KLHL4: variants seen among roughly 807,000 people sequenced by gnomAD.
KLHL4 encodes the protein kelch like family member 4, also known as kelch-like protein 4.
A neutral mutation model predicts 45.8 loss-of-function variants in KLHL4; 17 were observed. The observed-to-expected ratio is 0.37, with a 90% confidence interval of 0.25 to 0.56. The LOEUF is 0.56. Among genes scored for constraint, KLHL4 ranks in the 20% least tolerant of loss-of-function variants. KLHL4 has a pLI of 0.79. For synonymous variants in KLHL4, 224 were observed against 189.9 expected (o/e 1.18, Z -1.47); for missense variants, 544 against 544.9 (o/e 1.00, Z 0.02).
In KLHL4 at chrX:87,632,298, C is replaced by G; in HGVS notation, c.1413C>G (p.Val471=). 1 of 1,207,624 alleles carries G rather than the reference C, an allele frequency of 8.3e-7. No individual in the cohort carries two copies. The highest frequency in any genetic ancestry group is 1.1e-6 in the Non-Finnish European group (1 of 892,219). ...ATGGCCGTAGGCTTCAATTTGGAGTCGCAGTTATTGATAATAAGCTCTATG... is the reference window on the plus strand; with the variant it reads ...ATGGCCGTAGGCTTCAATTTGGAGTGGCAGTTATTGATAATAAGCTCTATG... ...TMNGRRLQFG[V]AVIDNKLYVV... Residue 471 remains valine, a synonymous_variant, in exon 7 of 11, where the codon GTC becomes GTG. Transcript: ENST00000373119.
At chrX:87,635,863 A>G in intron 9 of KLHL4, 88 bp downstream of exon 9, 1 of 684,541 alleles carries the variant, frequency 1.5e-6, no homozygotes, top group Non-Finnish European at 2.1e-6. Flanking sequence ...TTAAATGGAA[A>G]TCAGTTTAGT....
intron 1 of KLHL4, among the ~76,000 whole-genome samples, chrX:87,530,427 C>A (rs1252507649): frequency 5.6e-5 from 4 of 70,936 alleles, no homozygotes; most frequent in African/African-American, 2.2e-4. Flanking sequence ...CCCCTCCCCC[C>A]ACCCCACAAC....
intron 6 of KLHL4, among the ~76,000 whole-genome samples, chrX:87,628,503 A>G (rs1923007172): frequency 8.9e-6 from 1 of 112,228 alleles, no homozygotes; most frequent in South Asian, 3.6e-4. Flanking sequence ...ACTACTTTAC[A>G]TATTTTCACA....
intron 9 of KLHL4, among the ~76,000 whole-genome samples, chrX:87,640,979 G>T (rs996810310): frequency 8.9e-6 from 1 of 112,117 alleles, no homozygotes; most frequent in Non-Finnish European, 1.9e-5. Context: ...ACTGGTAAAT[G>T]AATTCAGCAA....
At position 87,568,738 on chromosome X, in the gene KLHL4, A is replaced by G. The variant is rs183892283; in HGVS notation, c.423-45139A>G. On this transcript the variant is annotated intron_variant, in intron 1 of 10. Transcript: ENST00000373119. ...TTTTTGACAAGTGTGCTAAGACTAT[A>G]CAATGGGGTAAGAATAGTCTCTTCA... Among the ~76,000 whole-genome samples the G allele has an allele frequency of 2.9e-3, 326 of 111,534 alleles. 1 individual carries two copies. Among genetic ancestry groups the G allele is most frequent in the Non-Finnish European group, 5.2e-3 (276 of 52,943 alleles).
At chrX:87,589,849 G>A (rs1295589013) in intron 1 of KLHL4, among the ~76,000 whole-genome samples, 1 of 100,669 alleles carries the variant, frequency 9.9e-6, no homozygotes, top group Non-Finnish European at 2.0e-5. Flanking sequence ...GATGAACATG[G>A]AGAAACCCCG....
rs1931382722 is a variant in KLHL4 at position 87,534,281 on chromosome X, C to A, written c.422+15966C>A. The stretch of plus-strand genomic sequence containing the variant: ...CATTAAAAATGTAGTTATTCAGTAT[C>A]CAGTATCACAGAATTTGACTTATTG... On this transcript the variant is annotated intron_variant, in intron 1 of 10. Coordinates refer to ENST00000373119, the MANE Select transcript of KLHL4 (RefSeq NM_019117.5). Among the ~76,000 whole-genome samples, 3 of 110,534 alleles carry A rather than the reference C, an allele frequency of 2.7e-5. No homozygotes were observed. In the South Asian group the frequency reaches 1.1e-3, roughly 42 times the overall value.
At chrX:87,549,718 C>CA (rs908606518) in intron 1 of KLHL4, among the ~76,000 whole-genome samples, 21 of 110,507 alleles carry the variant, frequency 1.9e-4, no homozygotes, top group Non-Finnish European at 1.7e-4. Flanking sequence ...AAGAAATTGA[C>CA]AAAAACAATA....
At chrX:87,533,757 A>G (rs919535714) in intron 1 of KLHL4, among the ~76,000 whole-genome samples, 16 of 111,311 alleles carry the variant, frequency 1.4e-4, no homozygotes, top group African/African-American at 4.9e-4. Context: ...CATAGCTTAG[A>G]TCTTAAAACC....
At chrX:87,555,821 T>C (rs1286607763) in intron 1 of KLHL4, among the ~76,000 whole-genome samples, 2 of 110,490 alleles carry the variant, frequency 1.8e-5, no homozygotes. Context: ...AGTGTGTCAA[T>C]TTTGGATCTT....
In KLHL4 at chrX:87,586,361, G is replaced by A. The variant is rs763463495; in HGVS notation, c.423-27516G>A. On this transcript the variant is annotated intron_variant, in intron 1 of 10. Transcript: ENST00000373119. ...AGCACATGGATAATTCCCAAAGATA[G>A]TCATATGTTAGGTCACAAAACAAGT... Among the ~76,000 whole-genome samples, 3 of 111,172 alleles carry A rather than the reference G, an allele frequency of 2.7e-5. No individual in the cohort carries two copies. In the East Asian group the frequency reaches 8.4e-4, roughly 31 times the overall value.
chrX:87,669,315 C>A lies in KLHL4; in HGVS notation c.*2781C>A. The A allele has an allele frequency of 8.3e-7, 1 of 1,208,770 alleles. No individual in the cohort carries two copies. Among genetic ancestry groups the A allele is most frequent in the African/African-American group, 1.7e-5 (1 of 57,621 alleles). ...TTCTCTAACACTGTCTGTCACCTTCCTGTATTTCCACAGAGCATGCAAGAA... is the reference window on the plus strand; with the variant it reads ...TTCTCTAACACTGTCTGTCACCTTCATGTATTTCCACAGAGCATGCAAGAA... On this transcript the variant is annotated 3_prime_UTR_variant, in exon 11 of 11. Coordinates refer to ENST00000373119, the MANE Select transcript of KLHL4 (RefSeq NM_019117.5).
At chrX:87,522,341 C>T (rs1931019102) in intron 1 of KLHL4, among the ~76,000 whole-genome samples, 1 of 111,489 alleles carries the variant, frequency 9.0e-6, no homozygotes, top group Non-Finnish European at 1.9e-5. Context: ...CAAAGCAATA[C>T]TAATACAACA....
intron 9 of KLHL4, among the ~76,000 whole-genome samples, chrX:87,656,637 A>C (rs1244016447): frequency 9.2e-6 from 1 of 108,780 alleles, no homozygotes; most frequent in Non-Finnish European, 1.9e-5. Context: ...CTTTCTCTTG[A>C]ATCCTGTTGA....
At position 87,644,864 on chromosome X, in the gene KLHL4, C is replaced by G. The variant is rs148529561; in HGVS notation, c.1925+9089C>G. Among the ~76,000 whole-genome samples the G allele has an allele frequency of 2.4e-3, 271 of 111,961 alleles. 1 individual carries two copies. The highest frequency in any genetic ancestry group is 8.5e-3 in the African/African-American group (262 of 30,849). On this transcript the variant is annotated intron_variant, in intron 9 of 10. Coordinates refer to ENST00000373119, the MANE Select transcript of KLHL4 (RefSeq NM_019117.5). ...GCTAGCCACATATAGGAGAATTAAA[C>G]TGGATTCTCATCTCCCACCTTATAC...
chrX:87,643,011 T>C (rs1290403200), intron 9 of KLHL4, among the ~76,000 whole-genome samples: 1 of 111,633 alleles, frequency 9.0e-6, no homozygotes, highest in East Asian at 2.8e-4. Flanking sequence ...CTGGTCTTGC[T>C]AGAGACCTAG....
At chrX:87,542,914 T>C (rs1287816593) in intron 1 of KLHL4, among the ~76,000 whole-genome samples, 1 of 111,714 alleles carries the variant, frequency 9.0e-6, no homozygotes, top group Non-Finnish European at 1.9e-5. Context: ...CCCATCCAAA[T>C]CTCATCTGGA....
In KLHL4 at chrX:87,519,913, A is replaced by T. The variant is rs1315290569; in HGVS notation, c.422+1598A>T. Among the ~76,000 whole-genome samples, 4 of 112,431 alleles carry T rather than the reference A, an allele frequency of 3.6e-5. No homozygotes were observed. In the Admixed American group the frequency reaches 3.8e-4, roughly 11 times the overall value. On this transcript the variant is annotated intron_variant, in intron 1 of 10. Coordinates refer to ENST00000373119, the MANE Select transcript of KLHL4 (RefSeq NM_019117.5). ...ATTTACAATAAAATAGATGTTAGAA[A>T]AAATGTTAGGTAAAATGTCACATTT...
intron 1 of KLHL4, among the ~76,000 whole-genome samples, chrX:87,601,392 A>G (rs1284405720): frequency 9.0e-6 from 1 of 111,584 alleles, no homozygotes; most frequent in South Asian, 3.8e-4. Flanking sequence ...GTGGCCTGCC[A>G]GCATGAGGGG....
Sources: gnomAD v4.1 joint callset for allele counts (sites outside exome capture counted in the v4.1 genomes callset) on GRCh38, gnomAD v4.1.1 for gene constraint, MANE v1.5 for transcripts, NCBI Gene and HGNC (gene_info 2026-07-23, HGNC 2026-07-21) for gene names.